NPIPB11: variants seen among roughly 807,000 people sequenced by gnomAD.
NPIPB11 encodes nuclear pore complex-interacting protein family member B11.
NPIPB11 carries 17 observed loss-of-function variants against 32.8 expected under a neutral mutation model. That is an observed-to-expected ratio of 0.52 (90% CI 0.35 to 0.78). NPIPB11 has a LOEUF of 0.78. Ranked by LOEUF, NPIPB11 falls within the 30% of genes least tolerant of loss-of-function variation. The pLI, the probability that NPIPB11 is intolerant of heterozygous loss-of-function variation, is 0.01. For synonymous variants in NPIPB11, 209 were observed against 398.4 expected, an observed-to-expected ratio of 0.52 and a Z score of 5.66; for missense variants, 537 against 1,000.4, an observed-to-expected ratio of 0.54 and a Z score of 6.25.
At chr16:29,393,970 G>A (rs769819685) in exon 3 of NPIPB11, 3 of 1,599,186 alleles carry the variant, frequency 1.9e-6, no homozygotes, top group Non-Finnish European at 2.5e-6. Context: ...TATCCAGAGG[G>A]TAATGACAAC....
intron 3 of NPIPB11, 127 bp from the exon 4 acceptor site, chr16:29,390,475 A>G: frequency 7.0e-7 from 1 of 1,432,504 alleles, no homozygotes; most frequent in Non-Finnish European, 9.7e-7. Flanking sequence ...CAAGATGGTG[A>G]AACCCCATCT....
chr16:29,402,301 AG>A (rs1382479324), intron 2 of NPIPB11, among the ~76,000 whole-genome samples: 1 of 117,820 alleles, frequency 8.5e-6, no homozygotes. Flanking sequence ...CAAAAATAAA[AG>A]TAAACTTATT....
exon 8 of NPIPB11, chr16:29,384,200 G>A (rs1963573447): frequency 1.3e-6 from 2 of 1,558,904 alleles, no homozygotes; most frequent in Non-Finnish European, 1.7e-6. Flanking sequence ...GTGGCTGGTG[G>A]CCCATCCTGT....
chr16:29,399,429 T>C (rs1216256504), intron 2 of NPIPB11, among the ~76,000 whole-genome samples: 9 of 149,364 alleles, frequency 6.0e-5, no homozygotes, highest in African/African-American at 2.2e-4. Flanking sequence ...GGGCTGGGTG[T>C]GGTGGCTCAC....
In NPIPB11 at chr16:29,392,080, T is replaced by TA. The variant is rs540526335; in HGVS notation, c.250-1733dup. Among the ~76,000 whole-genome samples the TA allele has an allele frequency of 1.1e-3, 159 of 148,288 alleles. 1 individual carries two copies. Among genetic ancestry groups the TA allele is most frequent in the Non-Finnish European group, 1.5e-3 (103 of 66,806 alleles). ...TTTTTCCTGATTTCTGCACATAGGA[T>TA]AAAAAAAAAATCATGTACTAGGATT... On this transcript the variant is annotated intron_variant, in intron 3 of 7. Transcript: ENST00000524087.
At chr16:29,391,265 CAAAA>C (rs1182475033) in intron 3 of NPIPB11, among the ~76,000 whole-genome samples, 1 of 85,372 alleles carries the variant, frequency 1.2e-5, no homozygotes. Context: ...GACTCCGTCT[CAAAA>C]AAAAAAAAAA....
At chr16:29,399,466 C>A (rs1468409052) in intron 2 of NPIPB11, among the ~76,000 whole-genome samples, 1 of 149,254 alleles carries the variant, frequency 6.7e-6, no homozygotes, top group Non-Finnish European at 1.5e-5. Context: ...CTTTGGGAGG[C>A]CGAGGTGGGT....
chr16:29,389,258 G>A (rs1229231547), intron 5 of NPIPB11, among the ~76,000 whole-genome samples: 16 of 150,056 alleles, frequency 1.1e-4, no homozygotes, highest in African/African-American at 2.2e-4. Flanking sequence ...CAAGCTACTC[G>A]GGAGGCTGAG....
At chr16:29,401,370 A>T (rs1187345788) in intron 2 of NPIPB11, among the ~76,000 whole-genome samples, 1 of 152,014 alleles carries the variant, frequency 6.6e-6, no homozygotes, top group African/African-American at 2.4e-5. Context: ...ACTCAATGTC[A>T]CTCAGTTGAT....
chr16:29,382,236 G>C (rs776332961), exon 8 of NPIPB11: 17 of 1,592,782 alleles, frequency 1.1e-5, no homozygotes, highest in Admixed American at 5.1e-5. Flanking sequence ...TTTGGAAGGT[G>C]TCTTGAGATT....
At position 29,389,367 on chromosome 16, in the gene NPIPB11, T is replaced by TA. The variant is rs1175211779; in HGVS notation, c.545+573dup. 4.8e-3 allele frequency among the ~76,000 whole-genome samples: 282 copies of TA among 58,618 alleles called. 1 individual carries two copies. Among genetic ancestry groups the TA allele is most frequent in the South Asian group, 0.036 (53 of 1,458 alleles). 38.5% of individuals were successfully genotyped at this position (58,618 alleles called of 152,430 possible). ...ACAGAGCGTGACTCTATCTCAAAATTAAAAAAAAAAAAAAAAAAAAAAAAG... is the reference window on the plus strand; with the variant it reads ...ACAGAGCGTGACTCTATCTCAAAATTAAAAAAAAAAAAAAAAAAAAAAAAAG... On this transcript the variant is annotated intron_variant, in intron 5 of 7. Transcript: ENST00000524087.
At chr16:29,401,658 A>G (rs1963994151) in intron 2 of NPIPB11, among the ~76,000 whole-genome samples, 1 of 152,048 alleles carries the variant, frequency 6.6e-6, no homozygotes, top group Non-Finnish European at 1.5e-5. Flanking sequence ...TTGAAAGTGG[A>G]TGTACCCATG....
chr16:29,389,021 C>A (rs1206136613), intron 5 of NPIPB11, among the ~76,000 whole-genome samples: 1 of 149,270 alleles, frequency 6.7e-6, no homozygotes, highest in Non-Finnish European at 1.5e-5. Flanking sequence ...ATGGTGAAAC[C>A]CCGCCTCTAC....
At chr16:29,397,256 G>A (rs1362064076) in intron 2 of NPIPB11, among the ~76,000 whole-genome samples, 1 of 151,768 alleles carries the variant, frequency 6.6e-6, no homozygotes, top group South Asian at 2.1e-4. Flanking sequence ...TTAGAGACAA[G>A]AGTGCAGCGG....
At position 29,383,144 on chromosome 16, in the gene NPIPB11, C is replaced by G. The variant is rs747163722; in HGVS notation, c.1788G>C (p.Met596Ile). 3.8e-6 allele frequency: 6 copies of G among 1,592,712 alleles called. No homozygotes were observed. In the South Asian group the frequency reaches 5.6e-5, roughly 15 times the overall value. The change falls in exon 8 of 8, where the codon ATG (methionine) becomes ATC (isoleucine). Residue 596 changes from methionine to isoleucine, a missense_variant. Transcript: ENST00000524087. ...CGCTCGGAAGGTCTCTTGAGATTATCATCCGCTGAGGGTGGAAGCGGAACT... is the reference window on the plus strand; with the variant it reads ...CGCTCGGAAGGTCTCTTGAGATTATGATCCGCTGAGGGTGGAAGCGGAACT...
chr16:29,404,700 CT>C (rs1253637735), upstream of NPIPB11, among the ~76,000 whole-genome samples: 1 of 151,654 alleles, frequency 6.6e-6, no homozygotes, highest in African/African-American at 2.4e-5. Context: ...CACCTAAGGG[CT>C]TTTGTATTTT....
intron 2 of NPIPB11, among the ~76,000 whole-genome samples, chr16:29,399,090 A>T (rs1429030072): frequency 6.6e-6 from 1 of 150,834 alleles, no homozygotes; most frequent in Non-Finnish European, 1.5e-5. Context: ...GCTTGGCAGC[A>T]TCATGTGTGA....
At chr16:29,390,495 A>C in intron 3 of NPIPB11, 147 bp from the exon 4 acceptor site, 8 of 1,265,008 alleles carry the variant, frequency 6.3e-6, no homozygotes, top group South Asian at 5.1e-5. Flanking sequence ...TCTACTAAAA[A>C]TACAAAAATT....
intron 2 of NPIPB11, among the ~76,000 whole-genome samples, chr16:29,396,824 T>A (rs1246293598): frequency 2.7e-5 from 4 of 150,286 alleles, no homozygotes; most frequent in South Asian, 4.3e-4. Context: ...TGCTGGTGTA[T>A]GTACTTTCCA....
Sources: gnomAD v4.1 joint callset for allele counts (sites outside exome capture counted in the v4.1 genomes callset) on GRCh38, gnomAD v4.1.1 for gene constraint, MANE v1.5 for transcripts, NCBI Gene and HGNC (gene_info 2026-07-23, HGNC 2026-07-21) for gene names.